LRRC20: variants seen among roughly 807,000 people sequenced by gnomAD.
The protein encoded by LRRC20 is leucine-rich repeat-containing protein 20.
LRRC20 carries 11 observed loss-of-function variants against 14.4 expected under a neutral mutation model. That is an observed-to-expected ratio of 0.77 (90% CI 0.48 to 1.27). The LOEUF (loss-of-function observed/expected upper bound fraction) is 1.27. LRRC20 is among the 50% of genes most tolerant of loss of function. The probability of loss-of-function intolerance (pLI) is 0.00; values close to 1 mark genes in which losing one functional copy is unlikely to be tolerated. For synonymous variants in LRRC20, 121 were observed against 107.3 expected, an observed-to-expected ratio of 1.13 and a Z score of -0.79; for missense variants, 219 against 251.2, an observed-to-expected ratio of 0.87 and a Z score of 0.87.
At position 70,320,291 on chromosome 10, in the gene LRRC20, C is replaced by T. The variant is rs946526478; in HGVS notation, c.400+3572G>A. ...TAAGAAATACCATTTTTCATCATGT[C>T]CCAGGAGATAGATAGATAGATAGAT... On this transcript the variant is annotated intron_variant, in intron 4 of 4. Transcript: ENST00000446961. Among the ~76,000 whole-genome samples, 6 of 126,136 alleles carry T rather than the reference C, an allele frequency of 4.8e-5. No homozygotes were observed. In the East Asian group the frequency reaches 1.3e-3, roughly 28 times the overall value. The allele number at this position is 126,136 out of a possible 152,430, so 82.8% of individuals were successfully genotyped here.
At chr10:70,347,014 T>C (rs1472701281) in intron 2 of LRRC20, among the ~76,000 whole-genome samples, 1 of 152,100 alleles carries the variant, frequency 6.6e-6, no homozygotes, top group African/African-American at 2.4e-5. Context: ...GCCTCCCAAG[T>C]AGCTGGGACT....
chr10:70,306,625 T>C (rs564236470), intron 4 of LRRC20, among the ~76,000 whole-genome samples: 29 of 152,252 alleles, frequency 1.9e-4, no homozygotes, highest in African/African-American at 5.5e-4. Context: ...ACTTGATCAA[T>C]GTGTAACTTG....
chr10:70,330,240 G>A (rs561287324), intron 3 of LRRC20, among the ~76,000 whole-genome samples: 2 of 151,602 alleles, frequency 1.3e-5, no homozygotes, highest in South Asian at 2.1e-4. Context: ...TGGGCTTGGA[G>A]ATTTCTTCTT....
chr10:70,324,658 G>GT (rs1199062341), intron 3 of LRRC20, among the ~76,000 whole-genome samples: 5 of 152,254 alleles, frequency 3.3e-5, no homozygotes, highest in Admixed American at 3.3e-4. Context: ...GGCTGAGGCA[G>GT]TACCAAGAGA....
At chr10:70,309,975 G>T (rs114276151) in intron 4 of LRRC20, among the ~76,000 whole-genome samples, 1,716 of 152,320 alleles carry the variant, frequency 0.011, 30 homozygotes, top group African/African-American at 0.039. Flanking sequence ...GCCTCTCCAG[G>T]GTCTGTGGCA....
intron 3 of LRRC20, among the ~76,000 whole-genome samples, chr10:70,326,675 C>T (rs1289162709): frequency 1.3e-5 from 2 of 152,144 alleles, no homozygotes; most frequent in East Asian, 3.9e-4. Context: ...TCCAGATCAC[C>T]ATTATAAGCC....
chr10:70,369,441 T>A (rs1025240826), intron 2 of LRRC20, among the ~76,000 whole-genome samples: 12 of 152,050 alleles, frequency 7.9e-5, no homozygotes, highest in Non-Finnish European at 1.5e-4. Flanking sequence ...AGAGGAAAAC[T>A]ACTGCAAAAG....
intron 2 of LRRC20, among the ~76,000 whole-genome samples, chr10:70,351,239 C>T (rs1843294814): frequency 6.6e-6 from 1 of 152,056 alleles, no homozygotes; most frequent in South Asian, 2.1e-4. Context: ...CATCCTCCCC[C>T]AGATATTCTA....
At chr10:70,371,073 C>G (rs1355085160) in intron 2 of LRRC20, among the ~76,000 whole-genome samples, 1 of 150,522 alleles carries the variant, frequency 6.6e-6, no homozygotes, top group African/African-American at 2.5e-5. Context: ...AAGATTATTC[C>G]CTTAAATCAG....
intron 4 of LRRC20, among the ~76,000 whole-genome samples, chr10:70,313,547 T>A (rs1004078396): frequency 6.6e-6 from 1 of 152,218 alleles, no homozygotes; most frequent in Non-Finnish European, 1.5e-5. Flanking sequence ...ATCTTGCTTC[T>A]AGCCTCACAA....
At chr10:70,324,558 G>A (rs1842245128) in intron 3 of LRRC20, among the ~76,000 whole-genome samples, 1 of 152,220 alleles carries the variant, frequency 6.6e-6, no homozygotes, top group Non-Finnish European at 1.5e-5. Context: ...CCTGCTCCGA[G>A]AGCAGCTGCT....
chr10:70,335,569 C>T (rs1166817340), intron 3 of LRRC20, among the ~76,000 whole-genome samples: 1 of 152,250 alleles, frequency 6.6e-6, no homozygotes, highest in Non-Finnish European at 1.5e-5. Flanking sequence ...CTTCAAGGCC[C>T]TGCCTGTTCC....
At chr10:70,323,609 T>G (rs2136948100) in intron 4 of LRRC20, among the ~76,000 whole-genome samples, 1 of 152,298 alleles carries the variant, frequency 6.6e-6, no homozygotes, top group Admixed American at 6.5e-5. Flanking sequence ...TACAGTGGCC[T>G]GGCTAGTTCA....
At chr10:70,346,931 G>A (rs1253588229) in intron 2 of LRRC20, among the ~76,000 whole-genome samples, 1 of 152,142 alleles carries the variant, frequency 6.6e-6, no homozygotes, top group Non-Finnish European at 1.5e-5. Context: ...TGCCACCCAG[G>A]CTGGAGGGCA....
intron 3 of LRRC20, among the ~76,000 whole-genome samples, chr10:70,333,238 A>C (rs1177156594): frequency 6.6e-6 from 1 of 152,134 alleles, no homozygotes; most frequent in African/African-American, 2.4e-5. Flanking sequence ...CTGGTGTTCC[A>C]GGTGTACCCT....
chr10:70,302,040 G>A (rs966599353), intron 4 of LRRC20, among the ~76,000 whole-genome samples: 18 of 152,168 alleles, frequency 1.2e-4, no homozygotes, highest in South Asian at 4.1e-4. Context: ...TAGGCCAGTC[G>A]TGGTGGCTCA....
intron 2 of LRRC20, among the ~76,000 whole-genome samples, chr10:70,366,084 A>C (rs57178294): frequency 0.85 from 122,046 of 144,362 alleles, 52,056 homozygotes; most frequent in Admixed American, 0.9. Flanking sequence ...AAAAAAAAAA[A>C]AACAACAACA....
intron 2 of LRRC20, among the ~76,000 whole-genome samples, chr10:70,372,740 C>A (rs571529340): frequency 1.2e-4 from 19 of 152,050 alleles, no homozygotes; most frequent in East Asian, 5.8e-4. Context: ...CTGCGCCCGG[C>A]CGAGAATGTG....
chr10:70,301,444 T>A lies in LRRC20; in HGVS notation c.465A>T (p.Pro155=). 6.2e-7 allele frequency: 1 copy of A among 1,613,870 alleles called. No individual in the cohort carries two copies. Among genetic ancestry groups the A allele is most frequent in the Non-Finnish European group, 8.5e-7 (1 of 1,179,996 alleles). Residue 155 remains proline (P), a synonymous_variant, in exon 5 of 5, where the codon CCA becomes CCT. Coordinates refer to ENST00000446961, the MANE Select transcript of LRRC20 (RefSeq NM_001278212.2). ...CGATCACGCGCACCTCGGCGTTGAG[T>A]GGGTTGAAGCGGAGGTTGATGCTGC... ...ALRSINLRFN[P]LNAEVRVIAP...
Sources: allele counts gnomAD v4.1 joint callset (sites outside exome capture counted in the v4.1 genomes callset), GRCh38; gene constraint gnomAD v4.1.1; transcripts MANE v1.5; gene names NCBI Gene and HGNC (gene_info 2026-07-23, HGNC 2026-07-21).